The following ANKRD44 variants were observed in gnomAD, a reference collection of about 807,000 sequenced individuals.
ANKRD44 encodes ankyrin repeat domain 44, also known as serine/threonine-protein phosphatase 6 regulatory ankyrin repeat subunit B.
Under a neutral mutation model 116.0 loss-of-function variants are expected in ANKRD44, and 35 were observed. That is an observed-to-expected ratio of 0.30 (90% CI 0.23 to 0.40). The LOEUF is 0.40. Ranked by LOEUF, ANKRD44 falls within the 10% of genes least tolerant of loss-of-function variation. The probability of loss-of-function intolerance (pLI) is 1.00; values close to 1 mark genes in which losing one functional copy is unlikely to be tolerated. For missense variants in ANKRD44, 1,014 were observed against 1,242.6 expected, an observed-to-expected ratio of 0.82 and a Z score of 2.77; for synonymous variants, 435 against 461.8, an observed-to-expected ratio of 0.94 and a Z score of 0.74.
intron 25 of ANKRD44, among the ~76,000 whole-genome samples, chr2:196,996,902 C>CG (rs1491219339): frequency 1.3e-3 from 114 of 88,966 alleles, no homozygotes; most frequent in African/African-American, 4.6e-3. Context: ...GACTCTGCCT[C>CG]AAAAAAAAAA....
At chr2:197,083,796 G>A (rs1024711958) in intron 13 of ANKRD44, among the ~76,000 whole-genome samples, 18 of 152,152 alleles carry the variant, frequency 1.2e-4, no homozygotes, top group African/African-American at 3.9e-4. Context: ...TGTCCCAAAC[G>A]TTGCAGATTT....
rs556761531 is a variant in ANKRD44 at position 197,116,394 on chromosome 2, C to T, written c.906+4938G>A. Among the ~76,000 whole-genome samples, 4 of 152,328 alleles carry T rather than the reference C, an allele frequency of 2.6e-5. No homozygotes were observed. In the East Asian group the frequency reaches 7.7e-4, roughly 29 times the overall value. ...TCCTTCAGATACCAGGATGGCAAGA[C>T]AGATGTCTACAGTTTTGGGAACGCT... is the stretch of plus-strand genomic sequence containing the variant. On this transcript the variant is annotated intron_variant, in intron 8 of 27. Coordinates refer to ENST00000282272, the MANE Select transcript of ANKRD44 (RefSeq NM_001195144.2).
At position 197,121,838 on chromosome 2, in the gene ANKRD44, C is replaced by A. The variant is rs73051354; in HGVS notation, c.694-294G>T. On this transcript the variant is annotated intron_variant, in intron 7 of 27. Transcript: ENST00000282272. ...AAAAGGTGAAGGGCAAAGCTGCTTT[C>A]AAAACACCAAAAGAGAAGTAAATCA... Among the ~76,000 whole-genome samples the A allele has an allele frequency of 2.6e-5, 4 of 152,018 alleles. No homozygotes were observed. The East Asian group carries it at 7.7e-4, about 29-fold the overall frequency.
At chr2:197,090,780 T>C (rs1294542015) in intron 10 of ANKRD44, among the ~76,000 whole-genome samples, 3 of 152,186 alleles carry the variant, frequency 2.0e-5, no homozygotes, top group African/African-American at 7.2e-5. Context: ...GACAGGACTA[T>C]GGCTGAACGT....
chr2:196,997,628 T>C (rs979222677), intron 25 of ANKRD44, among the ~76,000 whole-genome samples: 6 of 151,960 alleles, frequency 3.9e-5, no homozygotes, highest in Admixed American at 1.3e-4. Flanking sequence ...TTTGTATTTT[T>C]AGTAGAGACA....
chr2:197,052,355 G>T (rs962632771), intron 16 of ANKRD44, among the ~76,000 whole-genome samples: 29 of 152,218 alleles, frequency 1.9e-4, no homozygotes, highest in Non-Finnish European at 3.1e-4. Flanking sequence ...GAAGTGTTGG[G>T]CTTGGAGGAT....
intron 17 of ANKRD44, among the ~76,000 whole-genome samples, chr2:197,019,405 G>T (rs1189704913): frequency 6.6e-6 from 1 of 152,208 alleles, no homozygotes; most frequent in Non-Finnish European, 1.5e-5. Flanking sequence ...CTTTTATGGA[G>T]CACTTGCTGT....
chr2:196,997,493 A>G (rs1357667860), intron 25 of ANKRD44, among the ~76,000 whole-genome samples: 2 of 140,174 alleles, frequency 1.4e-5, no homozygotes, highest in Non-Finnish European at 3.0e-5. Context: ...CTTGTTGTCC[A>G]GGCTGGAGTG....
chr2:197,262,224 C>A (rs1207970569), intron 1 of ANKRD44, among the ~76,000 whole-genome samples: 2 of 152,170 alleles, frequency 1.3e-5, no homozygotes, highest in East Asian at 3.9e-4. Flanking sequence ...AGCTTTCTGG[C>A]AGTATCTTCC....
intron 21 of ANKRD44, among the ~76,000 whole-genome samples, chr2:196,977,530 G>GAAAAA (rs2075769316): frequency 1.3e-5 from 2 of 152,190 alleles, no homozygotes; most frequent in Non-Finnish European, 2.9e-5. Flanking sequence ...TTAAAAATGG[G>GAAAAA]CAAAGGATTT....
At position 196,986,947 on chromosome 2, in the gene ANKRD44, G is replaced by C. The variant is rs954449026; in HGVS notation, c.*2644C>G. The C allele has an allele frequency of 3.0e-6, 3 of 985,262 alleles. No homozygotes were observed. The African/African-American group carries it at 5.2e-5, about 17-fold the overall frequency. The allele number at this position is 985,262 out of a possible 1,614,324, so 61.0% of individuals were successfully genotyped here. ...CTGAAATCATCAAACAATATTTTATGCTGTTACAAATATGTTATGCAAAAT... is the reference window on the plus strand; with the variant it reads ...CTGAAATCATCAAACAATATTTTATCCTGTTACAAATATGTTATGCAAAAT... On this transcript the variant is annotated 3_prime_UTR_variant, in exon 28 of 28. Coordinates refer to ENST00000282272, the MANE Select transcript of ANKRD44 (RefSeq NM_001195144.2).
chr2:197,295,431 A>G (rs1419625597), intron 1 of ANKRD44, among the ~76,000 whole-genome samples: 1 of 152,228 alleles, frequency 6.6e-6, no homozygotes, highest in African/African-American at 2.4e-5. Context: ...TGGACAAAGA[A>G]ATTAGAATTT....
At chr2:197,095,092 C>T (rs1255813774) in intron 10 of ANKRD44, among the ~76,000 whole-genome samples, 1 of 152,196 alleles carries the variant, frequency 6.6e-6, no homozygotes, top group Non-Finnish European at 1.5e-5. Context: ...AGTGCATCTC[C>T]GAAGTACTGG....
intron 1 of ANKRD44, among the ~76,000 whole-genome samples, chr2:197,288,835 G>A (rs2083479510): frequency 6.6e-6 from 1 of 152,014 alleles, no homozygotes; most frequent in African/African-American, 2.4e-5. Flanking sequence ...TTCACATATG[G>A]GAGCTAAAAA....
chr2:197,265,370 C>T (rs181828363), intron 1 of ANKRD44, among the ~76,000 whole-genome samples: 81 of 152,000 alleles, frequency 5.3e-4, no homozygotes, highest in African/African-American at 1.8e-3. Flanking sequence ...CCTCAGCCTC[C>T]CGAATAGCTG....
In ANKRD44 at chr2:197,245,755, C is replaced by T. The variant is rs530890249; in HGVS notation, c.28-58649G>A. 1.1e-4 allele frequency among the ~76,000 whole-genome samples: 16 copies of T among 152,264 alleles called. No homozygotes were observed. In the East Asian group the frequency reaches 2.3e-3, roughly 22 times the overall value. ...ATTACTCTATTACTCTAAAACCTCTCGCATTTAGGGAAAATTAGAAGGCCA... is the reference window on the plus strand; with the variant it reads ...ATTACTCTATTACTCTAAAACCTCTTGCATTTAGGGAAAATTAGAAGGCCA... On this transcript the variant is annotated intron_variant, in intron 1 of 27. Transcript: ENST00000282272.
chr2:197,165,103 G>A (rs2080073542), intron 2 of ANKRD44, among the ~76,000 whole-genome samples: 1 of 152,230 alleles, frequency 6.6e-6, no homozygotes, highest in Non-Finnish European at 1.5e-5. Flanking sequence ...CACATGGTTA[G>A]CACTCAGCAA....
intron 2 of ANKRD44, among the ~76,000 whole-genome samples, chr2:197,166,677 C>T (rs1011440590): frequency 1.4e-4 from 6 of 41,422 alleles, no homozygotes; most frequent in Non-Finnish European, 2.9e-4. Context: ...AATGGGATAT[C>T]CCCATTTTAC....
intron 1 of ANKRD44, among the ~76,000 whole-genome samples, chr2:197,290,478 G>C (rs1300373029): frequency 6.6e-6 from 1 of 152,006 alleles, no homozygotes; most frequent in East Asian, 1.9e-4. Context: ...TGGTGTCAAA[G>C]AAAAGACCAG....
Sources: gnomAD v4.1 joint callset for allele counts (sites outside exome capture counted in the v4.1 genomes callset) on GRCh38, gnomAD v4.1.1 for gene constraint, MANE v1.5 for transcripts, NCBI Gene and HGNC (gene_info 2026-07-23, HGNC 2026-07-21) for gene names.